The following PDHX variants were observed in gnomAD, a reference collection of about 807,000 sequenced individuals.
PDHX encodes the protein pyruvate dehydrogenase protein X component, mitochondrial.
Under a neutral mutation model 55.3 loss-of-function variants are expected in PDHX, and 33 were observed. That is an observed-to-expected ratio of 0.60 (90% CI 0.45 to 0.80). The LOEUF (loss-of-function observed/expected upper bound fraction) is 0.80. Among genes scored for constraint, PDHX ranks in the 30% least tolerant of loss-of-function variants. PDHX has a pLI of 0.00. For synonymous variants in PDHX, 226 were observed against 219.4 expected (o/e 1.03, Z -0.27); for missense variants, 622 against 619.9 (o/e 1.00, Z -0.04).
At chr11:34,917,941 G>A (rs902458691) in intron 1 of PDHX, among the ~76,000 whole-genome samples, 4 of 152,160 alleles carry the variant, frequency 2.6e-5, no homozygotes, top group Admixed American at 2.6e-4. Context: ...TTTTACAAAT[G>A]TTGGATGAGT....
intron 9 of PDHX, among the ~76,000 whole-genome samples, chr11:34,987,032 T>C (rs1377879032): frequency 6.6e-6 from 1 of 152,204 alleles, no homozygotes; most frequent in African/African-American, 2.4e-5. Context: ...TTTGATAAAT[T>C]TGCCCAAGGC....
At chr11:34,942,778 G>T (rs7952208) in intron 2 of PDHX, among the ~76,000 whole-genome samples, 28,678 of 152,098 alleles carry the variant, frequency 0.19, 3,882 homozygotes, top group African/African-American at 0.39. Flanking sequence ...TTGGTAAAGT[G>T]TTCTGTGTTT....
At chr11:34,942,757 C>G (rs534802674) in intron 2 of PDHX, among the ~76,000 whole-genome samples, 1 of 151,992 alleles carries the variant, frequency 6.6e-6, no homozygotes, top group African/African-American at 2.4e-5. Flanking sequence ...TTAAAACTTC[C>G]CTGTGATTTA....
At chr11:34,919,740 G>T (rs1337377745) in intron 1 of PDHX, among the ~76,000 whole-genome samples, 2 of 152,292 alleles carry the variant, frequency 1.3e-5, no homozygotes, top group African/African-American at 4.8e-5. Flanking sequence ...AGAATGCAGA[G>T]ACTATCTTTT....
intron 5 of PDHX, among the ~76,000 whole-genome samples, chr11:34,966,405 C>T (rs187902962): frequency 1.8e-3 from 270 of 152,264 alleles, no homozygotes; most frequent in African/African-American, 5.9e-3. Context: ...ATTTTAATAA[C>T]ATTTTAATTG....
chr11:34,944,910 A>AT (rs1380262268), intron 2 of PDHX, among the ~76,000 whole-genome samples: 1 of 152,116 alleles, frequency 6.6e-6, no homozygotes, highest in Non-Finnish European at 1.5e-5. Context: ...TTACGGATAC[A>AT]TGGGGACTTA....
chr11:34,974,646 T>C (rs1262563215), intron 7 of PDHX, among the ~76,000 whole-genome samples: 1 of 152,132 alleles, frequency 6.6e-6, no homozygotes, highest in African/African-American at 2.4e-5. Flanking sequence ...CACCAATGGG[T>C]CAGGCATGAT....
intron 3 of PDHX, 94 bp downstream of exon 3, chr11:34,947,700 T>G: frequency 2.4e-6 from 2 of 834,612 alleles, no homozygotes; most frequent in Non-Finnish European, 4.2e-6. Flanking sequence ...TGCCTCCTTA[T>G]TTTTAATGTG....
intron 2 of PDHX, among the ~76,000 whole-genome samples, chr11:34,944,292 G>A (rs1461179059): frequency 6.6e-6 from 1 of 151,718 alleles, no homozygotes; most frequent in East Asian, 1.9e-4. Context: ...GCTAATTTTT[G>A]TATTTTTAGT....
chr11:34,929,875 G>C (rs1854113200), intron 1 of PDHX, among the ~76,000 whole-genome samples: 1 of 152,110 alleles, frequency 6.6e-6, no homozygotes, highest in Admixed American at 6.5e-5. Context: ...GAGAGAGAAA[G>C]GGTAAGACAG....
rs1174627176 is a variant in PDHX at position 34,953,379 on chromosome 11, G to A, written c.343-4005G>A. On this transcript the variant is annotated intron_variant, in intron 3 of 10. Coordinates refer to ENST00000227868, the MANE Select transcript of PDHX (RefSeq NM_003477.3). ...ATGGAACCAAAAAAGAGCCTGCATCGCCAAGTCAATCCTAAGCCAAAAGAA... is the reference window on the plus strand; with the variant it reads ...ATGGAACCAAAAAAGAGCCTGCATCACCAAGTCAATCCTAAGCCAAAAGAA... Among the ~76,000 whole-genome samples the A allele has an allele frequency of 2.0e-5, 3 of 152,206 alleles. No homozygotes were observed. In the South Asian group the frequency reaches 6.2e-4, roughly 32 times the overall value.
chr11:34,916,953 G>A (rs1334083455), intron 1 of PDHX, 138 bp downstream of exon 1: 18 of 916,130 alleles, frequency 2.0e-5, no homozygotes, highest in Admixed American at 6.0e-5. Flanking sequence ...CTCCGGTTGG[G>A]GTCCGCCGAC....
chr11:34,950,526 TC>T (rs954353382), intron 3 of PDHX, among the ~76,000 whole-genome samples: 1 of 148,008 alleles, frequency 6.8e-6, no homozygotes, highest in Non-Finnish European at 1.5e-5. Flanking sequence ...CCCTCCCCCT[TC>T]CCCCCACCCC....
At position 34,966,689 on chromosome 11, in the gene PDHX, T is replaced by A; in HGVS notation, c.691T>A (p.Ser231Thr). 6.2e-7 allele frequency: 1 copy of A among 1,614,004 alleles called. No individual in the cohort carries two copies. Among genetic ancestry groups the A allele is most frequent in the African/African-American group, 1.3e-5 (1 of 74,968 alleles). ...GAAACAAACGGGCAAGATTACCGAGTCCAGACCAACTCCAGCCCCCACAGC... is the reference window on the plus strand; with the variant it reads ...GAAACAAACGGGCAAGATTACCGAGACCAGACCAACTCCAGCCCCCACAGC... ...QLKQTGKITESRPTPAPTATP... is the reference protein window; with the variant it reads ...QLKQTGKITETRPTPAPTATP... The change falls in exon 6 of 11, where the codon TCC becomes ACC. Residue 231 changes from serine to threonine, a missense_variant. Transcript: ENST00000227868.
At chr11:34,930,123 G>A (rs534877273) in intron 1 of PDHX, among the ~76,000 whole-genome samples, 17 of 152,314 alleles carry the variant, frequency 1.1e-4, no homozygotes, top group African/African-American at 3.4e-4. Flanking sequence ...GAAAGGCAGC[G>A]CCGTGTGTGT....
At chr11:34,966,511 G>A (rs1855133306) in intron 5 of PDHX, 129 bp from the exon 6 acceptor site, 1 of 865,998 alleles carries the variant, frequency 1.2e-6, no homozygotes, top group Admixed American at 1.8e-5. Context: ...TCAAATTACT[G>A]GTTTTTAATT....
chr11:34,919,019 C>T (rs975296557), intron 1 of PDHX, among the ~76,000 whole-genome samples: 1 of 152,146 alleles, frequency 6.6e-6, no homozygotes, highest in Non-Finnish European at 1.5e-5. Context: ...AACCTTAATT[C>T]CATCTTTAAC....
chr11:34,984,762 T>C, intron 9 of PDHX, 34 bp downstream of exon 9: 25 of 1,596,132 alleles, frequency 1.6e-5, no homozygotes, highest in Non-Finnish European at 2.1e-5. Context: ...TTTCAAAATG[T>C]TAGCATATAC....
In PDHX at chr11:34,960,425, G is replaced by A. The variant is rs141719797; in HGVS notation, c.548G>A (p.Arg183His). The A allele has an allele frequency of 8.7e-6, 14 of 1,611,124 alleles. No individual in the cohort carries two copies. Among genetic ancestry groups the A allele is most frequent in the South Asian group, 5.5e-5 (5 of 90,998 alleles). ...CCTTCATATTTTTTTCTTAGGTTCC[G>A]TTTAAGTCCAGCTGCCCGCAATATT... ...KEHIPGTLRFRLSPAARNILE... is the reference protein window; with the variant it reads ...KEHIPGTLRFHLSPAARNILE... Residue 183 changes from arginine (R) to histidine (H), a missense_variant, in exon 5 of 11, where the codon CGT becomes CAT. Arg to His is a conservative substitution (Grantham distance 29, BLOSUM62 0). Transcript: ENST00000227868.
Sources: gnomAD v4.1 joint callset for allele counts (sites outside exome capture counted in the v4.1 genomes callset) on GRCh38, gnomAD v4.1.1 for gene constraint, MANE v1.5 for transcripts, NCBI Gene and HGNC (gene_info 2026-07-23, HGNC 2026-07-21) for gene names.